ZNF138: variants seen among roughly 807,000 people sequenced by gnomAD.
ZNF138 encodes zinc finger protein 138.
In ZNF138, 33 loss-of-function variants were observed where a neutral mutation model predicts 33.0. The ratio of observed to expected loss-of-function variants is 1.00; its 90% confidence interval spans 0.76 to 1.34. The LOEUF (loss-of-function observed/expected upper bound fraction) is 1.34, where lower values mean the gene tolerates loss of function less well. ZNF138 is among the 40% of genes most tolerant of loss of function. The pLI, the probability that ZNF138 is intolerant of heterozygous loss-of-function variation, is 0.00. For synonymous variants in ZNF138, 139 were observed against 120.4 expected (o/e 1.15, Z -1.01); for missense variants, 360 against 370.8 (o/e 0.97, Z 0.24).
intron 1 of ZNF138, among the ~76,000 whole-genome samples, chr7:64,795,401 C>A (rs1338457461): frequency 6.6e-6 from 1 of 152,164 alleles, no homozygotes; most frequent in Non-Finnish European, 1.5e-5. Flanking sequence ...ACTCCTCCCC[C>A]TCCCCATTTC....
At position 64,831,438 on chromosome 7, in the gene ZNF138, T is replaced by A; in HGVS notation, c.209-13T>A. Reference sequence around the variant, plus strand: ...AGCAGGTGGAGTAATTTGTTATTTTTTGTTTCTTTCAGCTCTGTGTTCTCG... The same window carrying A: ...AGCAGGTGGAGTAATTTGTTATTTTATGTTTCTTTCAGCTCTGTGTTCTCG... On this transcript the variant is annotated splice_polypyrimidine_tract_variant and intron_variant, in intron 3 of 3. Coordinates refer to ENST00000307355, the MANE Select transcript of ZNF138 (RefSeq NM_001271639.2). The A allele has an allele frequency of 1.3e-6, 2 of 1,521,748 alleles. No homozygotes were observed. The highest frequency in any genetic ancestry group is 1.8e-6 in the Non-Finnish European group (2 of 1,139,480). 94.3% of individuals were successfully genotyped at this position (1,521,748 alleles called of 1,614,324 possible).
At chr7:64,846,256 G>A in the ZNF138 span, among the ~76,000 whole-genome samples, 2 of 152,080 alleles carry the variant, frequency 1.3e-5, no homozygotes, top group Non-Finnish European at 2.9e-5. Context: ...CTCTTTTTTG[G>A]TTCCATATGA....
At chr7:64,803,258 G>GTTTTTTTTTTTTT (rs60101981) in intron 1 of ZNF138, among the ~76,000 whole-genome samples, 4 of 113,062 alleles carry the variant, frequency 3.5e-5, no homozygotes, top group East Asian at 2.7e-4. Context: ...TTTGGCAAAG[G>GTTTTTTTTTTTTT]TTTTTTTTTT....
the ZNF138 span, among the ~76,000 whole-genome samples, chr7:64,839,456 T>G: frequency 6.6e-6 from 1 of 152,064 alleles, no homozygotes; most frequent in Non-Finnish European, 1.5e-5. Context: ...GACACAGACG[T>G]CTCTGAGTCG....
At chr7:64,842,269 G>C in the ZNF138 span, among the ~76,000 whole-genome samples, 18 of 151,484 alleles carry the variant, frequency 1.2e-4, no homozygotes, top group African/African-American at 3.9e-4. Context: ...TCACCATGTT[G>C]GCCAGGCTGG....
chr7:64,837,441 T>C (rs779327697), downstream of ZNF138, among the ~76,000 whole-genome samples: 3 of 151,926 alleles, frequency 2.0e-5, no homozygotes, highest in Non-Finnish European at 4.4e-5. Context: ...CAGGGTGAGG[T>C]AGGGCAGGTA....
chr7:64,800,280 T>G (rs553184846), intron 1 of ZNF138, among the ~76,000 whole-genome samples: 1 of 152,194 alleles, frequency 6.6e-6, no homozygotes, highest in Non-Finnish European at 1.5e-5. Flanking sequence ...CCAGTTTTCA[T>G]GGAGAAATGC....
the ZNF138 span, chr7:64,853,050 A>G: frequency 6.8e-7 from 1 of 1,472,160 alleles, no homozygotes; most frequent in Admixed American, 1.7e-5. Context: ...ACATTGGCAC[A>G]TGCTATCCTG....
At chr7:64,836,872 G>A (rs1332415849), downstream of ZNF138, 2 of 152,172 alleles carry the variant, frequency 1.3e-5, no homozygotes, top group African/African-American at 4.8e-5. Flanking sequence ...TAGTCTAGGA[G>A]ACTGCCTGTG....
downstream of ZNF138, among the ~76,000 whole-genome samples, chr7:64,838,319 G>C (rs1396011025): frequency 6.6e-6 from 1 of 152,186 alleles, no homozygotes; most frequent in East Asian, 1.9e-4. Flanking sequence ...GCGGCTTGGG[G>C]TTTGGGCACT....
intron 3 of ZNF138, among the ~76,000 whole-genome samples, chr7:64,827,202 A>C (rs1789693206): frequency 6.6e-6 from 1 of 151,666 alleles, no homozygotes; most frequent in South Asian, 2.1e-4. Context: ...TTGGCCTCCT[A>C]AAGCTGTAGA....
At chr7:64,815,322 A>T (rs1470720218) in intron 2 of ZNF138, among the ~76,000 whole-genome samples, 1 of 152,156 alleles carries the variant, frequency 6.6e-6, no homozygotes, top group Non-Finnish European at 1.5e-5. Context: ...TGTTGCCCAC[A>T]CCTAAATCTA....
At chr7:64,817,897 T>G (rs1196894458) in intron 3 of ZNF138, among the ~76,000 whole-genome samples, 1 of 152,098 alleles carries the variant, frequency 6.6e-6, no homozygotes, top group Non-Finnish European at 1.5e-5. Context: ...AATAGTTACT[T>G]ATACATTTAA....
In ZNF138 at chr7:64,831,969, A is replaced by G. The variant is rs369891838; in HGVS notation, c.727A>G (p.Ile243Val). ...ATCCTCAATCCTTACTAAACATAAGATAATTCGTACTGGAGAAAAACCCTA... is the reference window on the plus strand; with the variant it reads ...ATCCTCAATCCTTACTAAACATAAGGTAATTCGTACTGGAGAAAAACCCTA... ...HQSSILTKHK[I>V]IRTGEKPYKC... Residue 243 changes from isoleucine (I) to valine (V), a missense_variant, in exon 4 of 4, where the codon ATA (isoleucine) becomes GTA (valine). Ile to Val is a conservative substitution (Grantham distance 29). Transcript: ENST00000307355. The G allele has an allele frequency of 8.4e-5, 135 of 1,613,480 alleles. No homozygotes were observed. The highest frequency in any genetic ancestry group is 9.8e-5 in the Non-Finnish European group (116 of 1,179,706).
At chr7:64,827,506 A>G (rs1221451542) in intron 3 of ZNF138, among the ~76,000 whole-genome samples, 2 of 152,166 alleles carry the variant, frequency 1.3e-5, no homozygotes, top group African/African-American at 4.8e-5. Context: ...GGCCTCCCAA[A>G]GTGCTGGGAT....
At chr7:64,811,676 TAAAAG>T (rs1788188929) in intron 1 of ZNF138, among the ~76,000 whole-genome samples, 2 of 152,214 alleles carry the variant, frequency 1.3e-5, no homozygotes, top group South Asian at 4.1e-4. Flanking sequence ...TCTGTAAACT[TAAAAG>T]AGCCAGCAAA....
At chr7:64,796,392 A>T (rs1583758039) in intron 1 of ZNF138, among the ~76,000 whole-genome samples, 1 of 152,070 alleles carries the variant, frequency 6.6e-6, no homozygotes, top group East Asian at 1.9e-4. Context: ...TGTGAGTGAG[A>T]TACATCTGTT....
the ZNF138 span, among the ~76,000 whole-genome samples, chr7:64,847,914 GT>G: frequency 1.3e-5 from 2 of 150,890 alleles, no homozygotes; most frequent in African/African-American, 2.4e-5. Flanking sequence ...CCTGTATACT[GT>G]TTTTTTTTAA....
chr7:64,822,286 G>T (rs1410907280), intron 3 of ZNF138, among the ~76,000 whole-genome samples: 1 of 151,488 alleles, frequency 6.6e-6, no homozygotes, highest in Non-Finnish European at 1.5e-5. Flanking sequence ...TATTTAATGT[G>T]CAGAGATATT....
Sources: gnomAD v4.1 joint callset for allele counts (sites outside exome capture counted in the v4.1 genomes callset) on GRCh38, gnomAD v4.1.1 for gene constraint, MANE v1.5 for transcripts, NCBI Gene and HGNC (gene_info 2026-07-23, HGNC 2026-07-21) for gene names.